The following TAFA2 variants were observed in gnomAD, a reference collection of about 807,000 sequenced individuals.
TAFA2 encodes TAFA chemokine like family member 2.
Under a neutral mutation model 18.8 loss-of-function variants are expected in TAFA2, and 7 were observed. That is an observed-to-expected ratio of 0.37 (90% CI 0.21 to 0.70). The LOEUF (loss-of-function observed/expected upper bound fraction) is 0.70, where lower values mean the gene tolerates loss of function less well. Among genes scored for constraint, TAFA2 ranks in the 30% least tolerant of loss-of-function variants. The pLI, the probability that TAFA2 is intolerant of heterozygous loss-of-function variation, is 0.53. For missense variants in TAFA2, 122 were observed against 158.1 expected, an observed-to-expected ratio of 0.77 and a Z score of 1.23; for synonymous variants, 60 against 54.2, an observed-to-expected ratio of 1.11 and a Z score of -0.47.
intron 1 of TAFA2, among the ~76,000 whole-genome samples, chr12:61,914,372 C>T (rs771774061): frequency 2.6e-5 from 4 of 152,180 alleles, no homozygotes; most frequent in African/African-American, 9.7e-5. Flanking sequence ...TGCACCTTCA[C>T]CACACTGCTC....
At chr12:62,033,520 CAG>C (rs1592562087) in intron 1 of TAFA2, among the ~76,000 whole-genome samples, 1 of 152,168 alleles carries the variant, frequency 6.6e-6, no homozygotes, top group East Asian at 1.9e-4. Context: ...AAGAAGAGGG[CAG>C]AGTTTCCAAC....
chr12:61,788,812 C>T (rs1870849945), intron 2 of TAFA2, among the ~76,000 whole-genome samples: 1 of 151,638 alleles, frequency 6.6e-6, no homozygotes, highest in Admixed American at 6.6e-5. Context: ...TTCCTGGACA[C>T]ACAAAACTAT....
chr12:61,790,721 G>A (rs906737074), intron 2 of TAFA2, among the ~76,000 whole-genome samples: 5 of 151,746 alleles, frequency 3.3e-5, no homozygotes, highest in Middle Eastern at 3.4e-3. Context: ...AGAAGTACAC[G>A]AATAATCTGA....
chr12:62,200,867 T>G (rs2062667962), intron 1 of TAFA2, among the ~76,000 whole-genome samples: 1 of 152,096 alleles, frequency 6.6e-6, no homozygotes, highest in South Asian at 2.1e-4. Context: ...ATTCTTCCTA[T>G]CCATGAGCAT....
At chr12:61,952,688 C>T (rs564407034) in intron 1 of TAFA2, among the ~76,000 whole-genome samples, 2 of 151,828 alleles carry the variant, frequency 1.3e-5, no homozygotes, top group South Asian at 4.2e-4. Flanking sequence ...CGTAGTTTTC[C>T]AATTGGTTAA....
intron 4 of TAFA2, among the ~76,000 whole-genome samples, chr12:61,723,830 A>G (rs1870014894): frequency 6.6e-6 from 1 of 152,006 alleles, no homozygotes; most frequent in South Asian, 2.1e-4. Context: ...GTTAGAAGCT[A>G]TCCCTTAAAA....
At chr12:61,713,936 A>C (rs1869529708) in intron 4 of TAFA2, among the ~76,000 whole-genome samples, 1 of 152,208 alleles carries the variant, frequency 6.6e-6, no homozygotes, top group African/African-American at 2.4e-5. Flanking sequence ...TTAATATATC[A>C]AATTAAGCAT....
chr12:61,754,505 A>G (rs371803975), intron 3 of TAFA2, among the ~76,000 whole-genome samples: 1 of 151,868 alleles, frequency 6.6e-6, no homozygotes, highest in Non-Finnish European at 1.5e-5. Context: ...AAGAATATCC[A>G]TGGGTTTAAG....
rs556686116 is a variant in TAFA2, at chr12:62,047,982, G to A, written c.-2+143277C>T. Among the ~76,000 whole-genome samples, 7 of 152,246 alleles carry A rather than the reference G, an allele frequency of 4.6e-5. No individual in the cohort carries two copies. The South Asian group carries it at 1.2e-3, about 27-fold the overall frequency. On this transcript the variant is annotated intron_variant, in intron 1 of 4. Transcript: ENST00000416284. Reference sequence around the variant, plus strand: ...TGCTTTAAAGGAAAAAATGTGTTACGATAAAGTGATCTTTGAAGCAAATCT... The same window carrying A: ...TGCTTTAAAGGAAAAAATGTGTTACAATAAAGTGATCTTTGAAGCAAATCT...
chr12:61,916,643 T>C (rs920248503), intron 1 of TAFA2, among the ~76,000 whole-genome samples: 4 of 152,234 alleles, frequency 2.6e-5, no homozygotes, highest in African/African-American at 7.2e-5. Flanking sequence ...TCATGTTTGA[T>C]TTCTTGGCTT....
chr12:62,074,960 C>T (rs1264981291), intron 1 of TAFA2, among the ~76,000 whole-genome samples: 1 of 152,046 alleles, frequency 6.6e-6, no homozygotes, highest in Non-Finnish European at 1.5e-5. Context: ...CCTCAGCCTC[C>T]CAAAGTGCTG....
At chr12:62,231,979 C>A (rs1411656948) in intron 1 of TAFA2, among the ~76,000 whole-genome samples, 70 of 152,216 alleles carry the variant, frequency 4.6e-4, no homozygotes, top group Non-Finnish European at 1.0e-4. Flanking sequence ...AGATTACAGG[C>A]CTGATCTTAG....
upstream of TAFA2, among the ~76,000 whole-genome samples, chr12:62,195,709 A>G (rs2062645901): frequency 6.6e-6 from 1 of 152,232 alleles, no homozygotes; most frequent in East Asian, 1.9e-4. Context: ...AATATGCTGT[A>G]AACAAATGTG....
intron 2 of TAFA2, among the ~76,000 whole-genome samples, chr12:61,818,483 A>C (rs973199267): frequency 2.9e-5 from 4 of 138,168 alleles, no homozygotes; most frequent in Non-Finnish European, 6.1e-5. Context: ...ACCCTGTCTC[A>C]AAAAAATACA....
chr12:62,095,985 T>G (rs1868932740), intron 1 of TAFA2, among the ~76,000 whole-genome samples: 1 of 152,060 alleles, frequency 6.6e-6, no homozygotes, highest in Admixed American at 6.6e-5. Context: ...AAAAGCAAAC[T>G]TTTACAAAGA....
chr12:62,009,158 T>C (rs774205785), intron 1 of TAFA2, among the ~76,000 whole-genome samples: 48 of 152,172 alleles, frequency 3.2e-4, no homozygotes, highest in Admixed American at 7.2e-4. Flanking sequence ...ATTTCAGGTG[T>C]TTATAGCATT....
intron 4 of TAFA2, among the ~76,000 whole-genome samples, chr12:61,713,287 C>T (rs547332344): frequency 2.6e-5 from 4 of 152,258 alleles, no homozygotes; most frequent in South Asian, 2.1e-4. Context: ...ACCTCACTTC[C>T]GTTTTCTCTA....
intron 1 of TAFA2, among the ~76,000 whole-genome samples, chr12:61,876,405 A>C (rs998950424): frequency 6.6e-6 from 1 of 152,178 alleles, no homozygotes; most frequent in Admixed American, 6.5e-5. Context: ...TATTCTCACC[A>C]TAGTAACACC....
At chr12:61,765,834 G>A (rs1175913377) in intron 2 of TAFA2, among the ~76,000 whole-genome samples, 2 of 151,990 alleles carry the variant, frequency 1.3e-5, no homozygotes, top group Non-Finnish European at 2.9e-5. Context: ...GTCCAAACTT[G>A]CCATTTTGTA....
Sources: gnomAD v4.1 joint callset for allele counts (sites outside exome capture counted in the v4.1 genomes callset) on GRCh38, gnomAD v4.1.1 for gene constraint, MANE v1.5 for transcripts, NCBI Gene and HGNC (gene_info 2026-07-23, HGNC 2026-07-21) for gene names.